Variants in TTC21B observed in about 807,000 individuals in gnomAD.
TTC21B encodes tetratricopeptide repeat protein 21B.
Under a neutral mutation model 175.1 loss-of-function variants are expected in TTC21B, and 127 were observed. That is an observed-to-expected ratio of 0.73 (90% CI 0.63 to 0.84). TTC21B has a LOEUF of 0.84. Among genes scored for constraint, TTC21B ranks in the 40% least tolerant of loss-of-function variants. The pLI is 0.00. For synonymous variants in TTC21B, 524 were observed against 524.5 expected (o/e 1.00, Z 0.01); for missense variants, 1,561 against 1,558.3 (o/e 1.00, Z -0.03).
Position 165,931,837 on chromosome 2 carries a change from T to C in TTC21B, c.815A>G (p.Asn272Ser). Residue 272 changes from asparagine (N) to serine (S), a missense_variant, in exon 8 of 29, where the codon AAC becomes AGC. Coordinates refer to ENST00000243344, the MANE Select transcript of TTC21B (RefSeq NM_024753.5). The stretch of plus-strand genomic sequence containing the variant: ...CATGGCATCCAATGTATTTCCCAAG[T>C]TTTCCAGCTTGGTGGAAGCCTAAAA... ...DIEKASTKLE[N>S]LGNTLDAMEP... The C allele has an allele frequency of 5.0e-6, 8 of 1,613,268 alleles. No homozygotes were observed. Among genetic ancestry groups the C allele is most frequent in the Non-Finnish European group, 6.8e-6 (8 of 1,179,368 alleles).
intron 9 of TTC21B, 28 bp downstream of exon 9, chr2:165,930,144 T>C (rs1389764989): frequency 1.1e-5 from 18 of 1,599,078 alleles, no homozygotes; most frequent in Non-Finnish European, 1.5e-5. Context: ...ATCTATATTA[T>C]AAATATTTAT....
Position 165,931,809 on chromosome 2 carries a change from T to C in TTC21B, c.843A>G (p.Glu281=), listed in dbSNP as rs201311475. Residue 281 remains glutamate, a synonymous_variant, in exon 8 of 29, where the codon GAA becomes GAG. Coordinates refer to ENST00000243344, the MANE Select transcript of TTC21B (RefSeq NM_024753.5). The part of the protein sequence containing the change: ...ENLGNTLDAM[E]PQNAQLFYNI... ...TATAGAAAAGTTGAGCATTCTGTGG[T>C]TCCATGGCATCCAATGTATTTCCCA... 3.1e-6 allele frequency: 5 copies of C among 1,613,626 alleles called. No individual in the cohort carries two copies. The highest frequency in any genetic ancestry group is 4.2e-6 in the Non-Finnish European group (5 of 1,179,638).
At chr2:165,921,788 CTTT>C (rs569807955) in intron 12 of TTC21B, among the ~76,000 whole-genome samples, 9 of 129,008 alleles carry the variant, frequency 7.0e-5, no homozygotes, top group Non-Finnish European at 8.5e-5. Flanking sequence ...GCTGCTCTTC[CTTT>C]TTTTTTTTTT....
At chr2:165,907,236 T>C (rs1239491441) in intron 19 of TTC21B, among the ~76,000 whole-genome samples, 1 of 152,000 alleles carries the variant, frequency 6.6e-6, no homozygotes, top group Non-Finnish European at 1.5e-5. Flanking sequence ...AAGTCACTTA[T>C]AAAGAAGTTG....
At chr2:165,919,152 ATT>A in intron 13 of TTC21B, 122 bp downstream of exon 13, 2 of 1,163,904 alleles carry the variant, frequency 1.7e-6, no homozygotes, top group Non-Finnish European at 1.3e-6. Flanking sequence ...TGTGAGTTCC[ATT>A]TTTTTTTCCA....
In TTC21B at chr2:165,912,583, CT is replaced by C; in HGVS notation, c.2252del (p.Gln751ArgfsTer33). On this transcript the variant is annotated frameshift_variant, in exon 17 of 29. Coordinates refer to ENST00000243344, the MANE Select transcript of TTC21B (RefSeq NM_024753.5). LOFTEE classifies it high-confidence loss of function. ...AIVAYEQALN[Q>X]NPKDGTLASK... ...TTGCCAATGTTCCATCTTTCGGGTT[CT>C]GATTTAATGCTTGCTCATATGCTAC... 1 of 1,614,088 alleles carries C rather than the reference CT, an allele frequency of 6.2e-7. No individual in the cohort carries two copies. The highest frequency in any genetic ancestry group is 1.1e-5 in the South Asian group (1 of 91,080).
At chr2:165,944,303 T>C (rs975608863) in intron 4 of TTC21B, among the ~76,000 whole-genome samples, 2 of 152,168 alleles carry the variant, frequency 1.3e-5, no homozygotes, top group Admixed American at 1.3e-4. Flanking sequence ...CCCTTTAAGA[T>C]TAGTTTCTTA....
intron 7 of TTC21B, 119 bp from the exon 8 acceptor site, chr2:165,931,975 T>A (rs1686927167): frequency 1.4e-6 from 1 of 705,680 alleles, no homozygotes; most frequent in Non-Finnish European, 2.5e-6. Flanking sequence ...TTTGCTTTTA[T>A]AAATTCCTCC....
chr2:165,921,993 G>C (rs1686428297), intron 12 of TTC21B, among the ~76,000 whole-genome samples: 1 of 151,570 alleles, frequency 6.6e-6, no homozygotes, highest in Admixed American at 6.6e-5. Context: ...CCTTTCCCCT[G>C]AGTCCCCAAA....
At chr2:165,906,607 T>G (rs1685742940) in intron 19 of TTC21B, among the ~76,000 whole-genome samples, 1 of 151,970 alleles carries the variant, frequency 6.6e-6, no homozygotes, top group African/African-American at 2.4e-5. Flanking sequence ...AAACTTTCCT[T>G]CAAAGAGGTC....
intron 19 of TTC21B, 60 bp from the exon 20 acceptor site, chr2:165,901,970 C>G: frequency 1.5e-6 from 2 of 1,358,398 alleles, no homozygotes; most frequent in Non-Finnish European, 2.1e-6. Context: ...TTCTCCGTAA[C>G]TCACACACAG....
intron 19 of TTC21B, among the ~76,000 whole-genome samples, chr2:165,903,321 T>C (rs1685626578): frequency 6.6e-6 from 1 of 151,972 alleles, no homozygotes; most frequent in Admixed American, 6.6e-5. Context: ...GAATCACATG[T>C]GAAGGAAAGA....
chr2:165,950,597 G>T (rs988373277), intron 1 of TTC21B, among the ~76,000 whole-genome samples: 6 of 152,098 alleles, frequency 3.9e-5, no homozygotes, highest in Non-Finnish European at 8.8e-5. Context: ...GAAATCTAAG[G>T]GTATCTAGAC....
chr2:165,940,988 C>G, intron 6 of TTC21B, 39 bp downstream of exon 6: 1 of 1,610,926 alleles, frequency 6.2e-7, no homozygotes. Context: ...AAATTATAAC[C>G]AAATCCAAAG....
Position 165,898,673 on chromosome 2 carries a change from A to C in TTC21B, c.2950+13T>G, listed in dbSNP as rs1485331431. On this transcript the variant is annotated intron_variant, in intron 22 of 28. Coordinates refer to ENST00000243344, the MANE Select transcript of TTC21B (RefSeq NM_024753.5). ...GTGACTGCACTCAAAAAATACAATA[A>C]GTAGGTATTTACCTGGCTTACGTTC... is the stretch of plus-strand genomic sequence containing the variant. 1 of 1,568,328 alleles carries C rather than the reference A, an allele frequency of 6.4e-7. No individual in the cohort carries two copies. The highest frequency in any genetic ancestry group is 2.2e-5 in the East Asian group (1 of 44,658).
intron 11 of TTC21B, among the ~76,000 whole-genome samples, chr2:165,926,578 T>C (rs1686637761): frequency 6.6e-6 from 1 of 152,132 alleles, no homozygotes; most frequent in Non-Finnish European, 1.5e-5. Flanking sequence ...TGTTCTGTGA[T>C]GGTTAATACT....
chr2:165,947,193 T>TATATATATATATATATATATATATA (rs61351063), intron 3 of TTC21B: 62 of 134,718 alleles, frequency 4.6e-4, no homozygotes, highest in African/African-American at 1.1e-3. Flanking sequence ...TATATATATA[T>TATATATATATATATATATATATATA]TAGTATCTGC....
chr2:165,935,789 T>A (rs776168087), intron 6 of TTC21B, among the ~76,000 whole-genome samples: 2 of 152,092 alleles, frequency 1.3e-5, no homozygotes, highest in Non-Finnish European at 2.9e-5. Context: ...TGAGGAAAAT[T>A]TTTAAATTCT....
At chr2:165,938,519 G>A (rs114941572) in intron 6 of TTC21B, among the ~76,000 whole-genome samples, 37 of 146,732 alleles carry the variant, frequency 2.5e-4, no homozygotes, top group African/African-American at 8.5e-4. Flanking sequence ...AAAATTGAAT[G>A]TGAATTTAAC....
Sources: gnomAD v4.1 joint callset for allele counts (sites outside exome capture counted in the v4.1 genomes callset) on GRCh38, gnomAD v4.1.1 for gene constraint, MANE v1.5 for transcripts, NCBI Gene and HGNC (gene_info 2026-07-23, HGNC 2026-07-21) for gene names.